ARHGEF4: variants seen among roughly 807,000 people sequenced by gnomAD.
ARHGEF4 encodes the protein Rho guanine nucleotide exchange factor 4, also known as APC-stimulated guanine nucleotide exchange factor 1.
ARHGEF4 carries 119 observed loss-of-function variants against 162.0 expected under a neutral mutation model. That is an observed-to-expected ratio of 0.73 (90% CI 0.63 to 0.86). ARHGEF4 has a LOEUF of 0.86. ARHGEF4 is among the 40% of genes least tolerant of loss of function. ARHGEF4 has a pLI of 0.00. For synonymous variants in ARHGEF4, 1,014 were observed against 979.9 expected, an observed-to-expected ratio of 1.03 and a Z score of -0.65; for missense variants, 2,488 against 2,456.0, an observed-to-expected ratio of 1.01 and a Z score of -0.28.
intron 4 of ARHGEF4, among the ~76,000 whole-genome samples, chr2:130,988,032 C>T (rs1290662713): frequency 6.6e-6 from 1 of 152,144 alleles, no homozygotes; most frequent in African/African-American, 2.4e-5. Flanking sequence ...AACATGATTC[C>T]AAGGGCGTTC....
At chr2:130,898,773 C>T (rs1344884420) in intron 1 of ARHGEF4, among the ~76,000 whole-genome samples, 1 of 152,032 alleles carries the variant, frequency 6.6e-6, no homozygotes, top group East Asian at 1.9e-4. Context: ...AAGCCAGAGT[C>T]ACAAGCACTG....
At chr2:130,910,227 A>AT (rs1681091599) in intron 1 of ARHGEF4, among the ~76,000 whole-genome samples, 1 of 152,206 alleles carries the variant, frequency 6.6e-6, no homozygotes. Context: ...TGCCTGAAAG[A>AT]TTCAATTTGG....
chr2:130,981,430 G>A (rs1686108653), intron 4 of ARHGEF4, among the ~76,000 whole-genome samples: 2 of 152,130 alleles, frequency 1.3e-5, no homozygotes, highest in South Asian at 4.1e-4. Context: ...GGAGGCCAAG[G>A]CAGGCGGATC....
At chr2:130,846,896 G>A (rs562615099) in intron 1 of ARHGEF4, among the ~76,000 whole-genome samples, 28 of 152,220 alleles carry the variant, frequency 1.8e-4, no homozygotes, top group African/African-American at 5.1e-4. Flanking sequence ...TATGTGACAC[G>A]GGTACGTTTA....
chr2:130,919,663 G>A (rs1250701127), intron 2 of ARHGEF4, among the ~76,000 whole-genome samples: 1 of 152,090 alleles, frequency 6.6e-6, no homozygotes, highest in Non-Finnish European at 1.5e-5. Flanking sequence ...ATCACCTGAG[G>A]TCAGAAGTTC....
At chr2:131,019,844 C>T (rs540353346) in intron 4 of ARHGEF4, among the ~76,000 whole-genome samples, 3 of 152,204 alleles carry the variant, frequency 2.0e-5, no homozygotes, top group East Asian at 1.9e-4. Context: ...CTGTGTTAGC[C>T]AGGATGGTCT....
Position 131,046,286 on chromosome 2 carries a change from C to CTCACTTGCAGGCAG in ARHGEF4, c.*97_*98insTCACTTGCAGGCAG. 1 of 1,300,358 alleles carries CTCACTTGCAGGCAG rather than the reference C, an allele frequency of 7.7e-7. No individual in the cohort carries two copies. The highest frequency in any genetic ancestry group is 1.1e-6 in the Non-Finnish European group (1 of 943,576). 80.6% of individuals were successfully genotyped at this position (1,300,358 alleles called of 1,614,324 possible). A position where few individuals can be genotyped will look rare whatever the true frequency, so the allele number is the denominator to read the frequency against. Reference sequence around the variant, plus strand: ...ACTCGGCCTGGCCTTCCTCTGCCTGCAAGTGAGCAGGGATGGGCTGGGGAG... The same window carrying CTCACTTGCAGGCAG: ...ACTCGGCCTGGCCTTCCTCTGCCTGCTCACTTGCAGGCAGAAGTGAGCAGGGATGGGCTGGGGAG... On this transcript the variant is annotated 3_prime_UTR_variant, in exon 14 of 14. Transcript: ENST00000409359.
intron 1 of ARHGEF4, among the ~76,000 whole-genome samples, chr2:130,897,504 C>A (rs1333472057): frequency 6.6e-6 from 1 of 152,198 alleles, no homozygotes; most frequent in Non-Finnish European, 1.5e-5. Context: ...CCTGGCGGGA[C>A]ACCAGGGCCA....
chr2:131,028,418 G>C (rs1689621572), intron 5 of ARHGEF4, among the ~76,000 whole-genome samples: 1 of 152,290 alleles, frequency 6.6e-6, no homozygotes, highest in Admixed American at 6.5e-5. Context: ...GGAGGCTAGG[G>C]CTTCTCCAGT....
chr2:130,937,474 G>A (rs1230610030), intron 3 of ARHGEF4, among the ~76,000 whole-genome samples: 21 of 151,674 alleles, frequency 1.4e-4, no homozygotes, highest in Admixed American at 1.4e-3. Context: ...CTCTTTATTG[G>A]TATTCCATTT....
chr2:130,969,554 G>A (rs1307416371), intron 4 of ARHGEF4, among the ~76,000 whole-genome samples: 3 of 151,732 alleles, frequency 2.0e-5, no homozygotes, highest in Non-Finnish European at 2.9e-5. Context: ...AGCCGAGATC[G>A]CGCCACTGCA....
At chr2:130,961,332 T>C (rs993935089) in intron 4 of ARHGEF4, among the ~76,000 whole-genome samples, 2 of 152,066 alleles carry the variant, frequency 1.3e-5, no homozygotes, top group African/African-American at 4.8e-5. Context: ...CAGTGAAGCC[T>C]CACTGAGGGG....
At chr2:131,044,639 T>G (rs1215085046) in intron 12 of ARHGEF4, 97 bp downstream of exon 12, 2 of 1,461,382 alleles carry the variant, frequency 1.4e-6, no homozygotes, top group Non-Finnish European at 1.8e-6. Context: ...CGCTCAGCCC[T>G]CTCAGGTTGC....
intron 3 of ARHGEF4, among the ~76,000 whole-genome samples, chr2:130,935,912 A>G (rs1180011929): frequency 6.6e-6 from 1 of 152,172 alleles, no homozygotes; most frequent in East Asian, 1.9e-4. Flanking sequence ...ACTAAAATAC[A>G]AAATCAGCTG....
rs959543530 is a variant in ARHGEF4, at chr2:130,914,441, G to A, written c.495G>A (p.Ala165=). ...AGGCAGGACACCTCTGGGACTGCGCGACCAGCCTGGAGCGAGAGTCTTTGC... is the reference window on the plus strand; with the variant it reads ...AGGCAGGACACCTCTGGGACTGCGCAACCAGCCTGGAGCGAGAGTCTTTGC... ...EQEAGHLWDC[A]TSLERESLLA... The change falls in exon 2 of 14, where the codon GCG becomes GCA. Residue 165 remains alanine, a synonymous_variant. Coordinates refer to ENST00000409359, the MANE Select transcript of ARHGEF4 (RefSeq NM_001367493.1). 5.6e-6 allele frequency: 8 copies of A among 1,435,612 alleles called. No homozygotes were observed. Among genetic ancestry groups the A allele is most frequent in the Admixed American group, 5.7e-5 (2 of 35,028 alleles). 88.9% of individuals were successfully genotyped at this position (1,435,612 alleles called of 1,614,324 possible). A position where few individuals can be genotyped will look rare whatever the true frequency, so the allele number is the denominator to read the frequency against.
At position 130,891,899 on chromosome 2, in the gene ARHGEF4, T is replaced by C. The variant is rs562330684; in HGVS notation, c.40-22087T>C. On this transcript the variant is annotated intron_variant, in intron 1 of 13. Transcript: ENST00000409359. The stretch of plus-strand genomic sequence containing the variant: ...AAAGCAGCCATCGATAATACACAGA[T>C]GAAGGAGCATGGCTGTGTTCCAGTA... 4.6e-5 allele frequency among the ~76,000 whole-genome samples: 7 copies of C among 152,244 alleles called. No individual in the cohort carries two copies. The South Asian group carries it at 1.4e-3, about 32-fold the overall frequency.
At chr2:130,959,810 T>C (rs1387050123) in intron 4 of ARHGEF4, among the ~76,000 whole-genome samples, 1 of 152,220 alleles carries the variant, frequency 6.6e-6, no homozygotes, top group Non-Finnish European at 1.5e-5. Flanking sequence ...CTTTGGCTTC[T>C]TTCCATCCAG....
At chr2:130,942,816 A>G (rs932818691) in intron 3 of ARHGEF4, among the ~76,000 whole-genome samples, 3 of 152,212 alleles carry the variant, frequency 2.0e-5, no homozygotes, top group South Asian at 2.1e-4. Flanking sequence ...ATGATTTCAT[A>G]CTTTCAAACT....
chr2:130,897,302 G>A (rs1035776284), intron 1 of ARHGEF4, among the ~76,000 whole-genome samples: 4 of 152,216 alleles, frequency 2.6e-5, no homozygotes, highest in Admixed American at 1.3e-4. Flanking sequence ...GGAAATGTTA[G>A]CGCCTCCTGG....
Sources: gnomAD v4.1 joint callset for allele counts (sites outside exome capture counted in the v4.1 genomes callset) on GRCh38, gnomAD v4.1.1 for gene constraint, MANE v1.5 for transcripts, NCBI Gene and HGNC (gene_info 2026-07-23, HGNC 2026-07-21) for gene names.